MTX1: variants seen among roughly 807,000 people sequenced by gnomAD.
The protein encoded by MTX1 is metaxin 1, also known as metaxin-1.
MTX1 carries 20 observed loss-of-function variants against 39.4 expected under a neutral mutation model. The observed-to-expected ratio is 0.51, with a 90% CI of 0.36 to 0.74. The LOEUF (loss-of-function observed/expected upper bound fraction) is 0.74, where lower values mean the gene tolerates loss of function less well. MTX1 is among the 30% of genes least tolerant of loss of function. The pLI is 0.00. For synonymous variants in MTX1, 209 were observed against 198.6 expected (o/e 1.05, Z -0.44); for missense variants, 481 against 485.9 (o/e 0.99, Z 0.10).
chr1:155,210,201 G>A (rs1671060688), intron 1 of MTX1, 145 bp from the exon 2 acceptor site: 3 of 700,102 alleles, frequency 4.3e-6, no homozygotes, highest in Non-Finnish European at 7.5e-6. Flanking sequence ...AATAGAAATG[G>A]TAGTGACTCC....
At position 155,211,813 on chromosome 1, in the gene MTX1, C is replaced by T. The variant is rs1163794359; in HGVS notation, c.679-314C>T. 1.3e-5 allele frequency: 3 copies of T among 227,870 alleles called. No homozygotes were observed. The Admixed American group carries it at 1.5e-4, about 12-fold the overall frequency. 14.1% of individuals were successfully genotyped at this position (227,870 alleles called of 1,614,324 possible). The stretch of plus-strand genomic sequence containing the variant: ...CGGGGAAGTTACTGTTAGAAAGTTG[C>T]CGTCAGCGGGCGTTGTTCCAGCTTT... On this transcript the variant is annotated intron_variant, in intron 3 of 7. Transcript: ENST00000368376.
Position 155,209,221 on chromosome 1 carries a change from G to A in MTX1, c.417G>A (p.Lys139=), listed in dbSNP as rs564449545. 44 of 1,457,850 alleles carry A rather than the reference G, an allele frequency of 3.0e-5. No individual in the cohort carries two copies. The African/African-American group carries it at 6.0e-4, about 20-fold the overall frequency. 90.3% of individuals were successfully genotyped at this position (1,457,850 alleles called of 1,614,324 possible). ...GPRQGRAEAH[K]EVFPGQRVGK... ...GGCAGGGGAGGGCAGAAGCACACAA[G>A]GAAGTGTTTCCGGGACAGAGGGTGG... is the stretch of plus-strand genomic sequence containing the variant. Residue 139 remains lysine, a synonymous_variant, in exon 1 of 8, where the codon AAG becomes AAA. Coordinates refer to ENST00000368376, the MANE Select transcript of MTX1 (RefSeq NM_002455.5).
At position 155,208,939 on chromosome 1, in the gene MTX1, G is replaced by A; in HGVS notation, c.135G>A (p.Glu45=). 1 of 1,609,910 alleles carries A rather than the reference G, an allele frequency of 6.2e-7. No individual in the cohort carries two copies. The highest frequency in any genetic ancestry group is 8.5e-7 in the Non-Finnish European group (1 of 1,179,194). The stretch of plus-strand genomic sequence containing the variant: ...GGCGCACAAGACCCCGCTCTCCAGA[G>A]CCTGCCGCGCCTTCAGGGGTTCGGG... ...WPRRTRPRSP[E]PAAPSGVRGS... Residue 45 remains glutamate, a synonymous_variant, in exon 1 of 8, where the codon GAG becomes GAA. Coordinates refer to ENST00000368376, the MANE Select transcript of MTX1 (RefSeq NM_002455.5).
At position 155,208,736 on chromosome 1, in the gene MTX1, G is replaced by T. The variant is rs1297812474; in HGVS notation, c.-69G>T. 2.3e-5 allele frequency: 12 copies of T among 532,136 alleles called. No individual in the cohort carries two copies. Among genetic ancestry groups the T allele is most frequent in the Non-Finnish European group, 3.3e-5 (12 of 360,018 alleles). 33.0% of individuals were successfully genotyped at this position (532,136 alleles called of 1,614,324 possible). A position where few individuals can be genotyped will look rare whatever the true frequency, so the allele number is the denominator to read the frequency against. On this transcript the variant is annotated 5_prime_UTR_variant, in exon 1 of 8. Transcript: ENST00000368376. The stretch of plus-strand genomic sequence containing the variant: ...GGCCTCCGCTCCGGCCGCCGCCACC[G>T]CCCCTGTTTTGTTTCCATGGCGACA...
rs377309496 is a variant in MTX1 at position 155,208,823 on chromosome 1, C to G, written c.19C>G (p.Pro7Ala). ...GGAAAACATGCTGCTCGGGGGACCC[C>G]CCCGCAGTCCCCGCTCGGGGACGAG... MLLGGP[P>A]RSPRSGTSPK... is the part of the protein sequence containing the mutation. Residue 7 changes from proline to alanine, a missense_variant, in exon 1 of 8, where the codon CCC (proline) becomes GCC (alanine). Physicochemically the swap from Pro to Ala is conservative, Grantham distance 27. This residue lies in a region of MTX1 where 368 missense variants were observed against 332.8 expected (regional missense o/e 1.11). Transcript: ENST00000368376. 22 of 1,574,016 alleles carry G rather than the reference C, an allele frequency of 1.4e-5. No individual in the cohort carries two copies. Among genetic ancestry groups the G allele is most frequent in the Non-Finnish European group, 1.7e-5 (20 of 1,157,450 alleles).
At position 155,213,294 on chromosome 1, in the gene MTX1, G is replaced by A. The variant is rs1278386484; in HGVS notation, c.1089G>A (p.Lys363=). The change falls in exon 7 of 8, where the codon AAG becomes AAA. Residue 363 remains lysine (K), a synonymous_variant. Transcript: ENST00000368376. The part of the protein sequence containing the change: ...FSYLALLLQA[K]LPSGKLQVHL... ...ACTTGGCCCTGCTGCTGCAGGCAAA[G>A]CTGCCCAGTGGGAAGCTGCAGGTCC... 4.7e-5 allele frequency: 24 copies of A among 508,530 alleles called. No individual in the cohort carries two copies. The highest frequency in any genetic ancestry group is 7.1e-5 in the Non-Finnish European group (21 of 296,036). The allele number at this position is 508,530 out of a possible 1,614,324, so 31.5% of individuals were successfully genotyped here.
Position 155,212,583 on chromosome 1 carries a change from G to C in MTX1, c.954+16G>C, listed in dbSNP as rs780610800. 2.1e-5 allele frequency: 33 copies of C among 1,603,628 alleles called. No individual in the cohort carries two copies. Among genetic ancestry groups the C allele is most frequent in the Middle Eastern group, 1.7e-4 (1 of 6,044 alleles). On this transcript the variant is annotated intron_variant, in intron 5 of 7. Transcript: ENST00000368376. ...GGAGAAGGAGGTAGCTCTGAGACCG[G>C]GGGCTATTGTATGAGATGAGCCCCA...
chr1:155,212,603 G>T, intron 5 of MTX1, 36 bp downstream of exon 5: 7 of 1,604,642 alleles, frequency 4.4e-6, no homozygotes, highest in Non-Finnish European at 6.0e-6. Flanking sequence ...TATGAGATGA[G>T]CCCCAAGGAT....
At position 155,209,176 on chromosome 1, in the gene MTX1, G is replaced by A; in HGVS notation, c.372G>A (p.Ala124=). The change falls in exon 1 of 8, where the codon GCG becomes GCA. Residue 124 remains alanine, a synonymous_variant. Transcript: ENST00000368376. ...CCCTGACCGCAACGATCGGAGGGGC[G>A]GTGGCGGGGGGCGGGCCCAGGCAGG... ...PGPLTATIGG[A]VAGGGPRQGR... is the part of the protein sequence containing the mutation. The A allele has an allele frequency of 1.3e-6, 2 of 1,483,474 alleles. No homozygotes were observed. 91.9% of individuals were successfully genotyped at this position (1,483,474 alleles called of 1,614,324 possible).
At position 155,212,454 on chromosome 1, in the gene MTX1, C is replaced by A. The variant is rs756401720; in HGVS notation, c.841C>A (p.Pro281Thr). 1.2e-6 allele frequency: 2 copies of A among 1,614,024 alleles called. No individual in the cohort carries two copies. Among genetic ancestry groups the A allele is most frequent in the East Asian group, 2.2e-5 (1 of 44,906 alleles). The change falls in exon 5 of 8, where the codon CCC becomes ACC. Residue 281 changes from proline (P) to threonine (T), a missense_variant. By Grantham distance (38) the Pro-to-Thr change is conservative. This residue lies in a region of MTX1 where 113 missense variants were observed against 153.2 expected (regional missense o/e 0.74). Coordinates refer to ENST00000368376, the MANE Select transcript of MTX1 (RefSeq NM_002455.5). ...CCGGAAGTGGTATGCAGAGGCTATG[C>A]CCTTTCCCCTCAACTTCTTCCTGCC... Reference protein sequence around the residue: ...VTRKWYAEAMPFPLNFFLPGR... With the variant: ...VTRKWYAEAMTFPLNFFLPGR...
In MTX1 at chr1:155,210,240, G is replaced by C. The variant is rs1671064611; in HGVS notation, c.529-106G>C. 4.1e-6 allele frequency: 4 copies of C among 978,770 alleles called. No individual in the cohort carries two copies. The East Asian group carries it at 9.6e-5, about 24-fold the overall frequency. The allele number at this position is 978,770 out of a possible 1,614,324, so 60.6% of individuals were successfully genotyped here. On this transcript the variant is annotated intron_variant, in intron 1 of 7. Transcript: ENST00000368376. ...TTTTTTTTCGAGACTAAGATACTAA[G>C]TATAGGGAATGGCACATAAGGTATT...
At position 155,213,240 on chromosome 1, in the gene MTX1, T is replaced by C. The variant is rs777440699; in HGVS notation, c.1035T>C (p.Pro345=). The change falls in exon 7 of 8, where the codon CCT becomes CCC. Residue 345 remains proline (P), a synonymous_variant. Coordinates refer to ENST00000368376, the MANE Select transcript of MTX1 (RefSeq NM_002455.5). The part of the protein sequence containing the change: ...GSQKFFFGDA[P]ASLDAFVFSY... The stretch of plus-strand genomic sequence containing the variant: ...CACCCTTCTCTCTCTGCTCCAGCCC[T>C]GCCTCCTTGGACGCCTTCGTCTTCA... 1.9e-6 allele frequency: 1 copy of C among 534,766 alleles called. No homozygotes were observed. 33.1% of individuals were successfully genotyped at this position (534,766 alleles called of 1,614,324 possible).
At chr1:155,211,927 C>T (rs1671142905) in intron 3 of MTX1, 200 bp from the exon 4 acceptor site, 2 of 471,476 alleles carry the variant, frequency 4.2e-6, no homozygotes, top group Non-Finnish European at 7.5e-6. Flanking sequence ...GGCCAGGAGG[C>T]TCCAAGGCCC....
chr1:155,212,857 G>T (rs1302197115), intron 6 of MTX1, 87 bp downstream of exon 6: 55 of 1,510,786 alleles, frequency 3.6e-5, no homozygotes, highest in Non-Finnish European at 4.6e-5. Flanking sequence ...TGGGGCTGGG[G>T]CTGGCTCAGG....
At chr1:155,212,929 C>T (rs1671179542) in intron 6 of MTX1, among the ~76,000 whole-genome samples, 159 bp downstream of exon 6, 1 of 151,798 alleles carries the variant, frequency 6.6e-6, no homozygotes, top group African/African-American at 2.4e-5. Flanking sequence ...TGTGTGGGGG[C>T]CAGAGCCTTC....
chr1:155,209,417 G>A (rs907926487), intron 1 of MTX1, 85 bp downstream of exon 1: 16 of 1,327,988 alleles, frequency 1.2e-5, no homozygotes, highest in Middle Eastern at 2.8e-4. Context: ...CCTTGCCAGG[G>A]CTACTCAGCA....
Position 155,210,236 on chromosome 1 carries a change from C to A in MTX1, c.529-110C>A, listed in dbSNP as rs1329336509. ...CCCCTTTTTTTTCGAGACTAAGATA[C>A]TAAGTATAGGGAATGGCACATAAGG... On this transcript the variant is annotated intron_variant, in intron 1 of 7. Transcript: ENST00000368376. The A allele has an allele frequency of 9.6e-6, 9 of 937,972 alleles. No individual in the cohort carries two copies. In the East Asian group the frequency reaches 1.2e-4, roughly 13 times the overall value. 58.1% of individuals were successfully genotyped at this position (937,972 alleles called of 1,614,324 possible).
At chr1:155,211,900 G>A (rs1472184551) in intron 3 of MTX1, 6 of 398,886 alleles carry the variant, frequency 1.5e-5, no homozygotes, top group Non-Finnish European at 2.7e-5. Flanking sequence ...TCCCTGCATT[G>A]GGCGCTGGAC....
chr1:155,212,041 G>T (rs918794116), intron 3 of MTX1, 86 bp from the exon 4 acceptor site: 4 of 1,213,208 alleles, frequency 3.3e-6, no homozygotes, highest in East Asian at 2.4e-5. Flanking sequence ...AGGCCAGTGA[G>T]GGGGGTACCA....
Sources: gnomAD v4.1 joint callset for allele counts (sites outside exome capture counted in the v4.1 genomes callset) on GRCh38, gnomAD v4.1.1 for gene constraint, gnomAD v4.1.1 regional missense constraint, MANE v1.5 for transcripts, NCBI Gene and HGNC (gene_info 2026-07-23, HGNC 2026-07-21) for gene names.